The following MYO18B variants were observed in gnomAD, a reference collection of about 807,000 sequenced individuals.
MYO18B encodes unconventional myosin-XVIIIb.
Under a neutral mutation model 273.0 loss-of-function variants are expected in MYO18B, and 204 were observed. That is an observed-to-expected ratio of 0.75 (90% CI 0.67 to 0.84). The LOEUF is 0.84. MYO18B is among the 40% of genes least tolerant of loss of function. The pLI is 0.00. For synonymous variants in MYO18B, 1,330 were observed against 1,305.7 expected (o/e 1.02, Z -0.40); for missense variants, 3,212 against 3,287.6 (o/e 0.98, Z 0.56).
At chr22:26,015,516 T>C (rs910509503) in intron 42 of MYO18B, among the ~76,000 whole-genome samples, 1 of 152,210 alleles carries the variant, frequency 6.6e-6, no homozygotes, top group Non-Finnish European at 1.5e-5. Flanking sequence ...TGAATGGAGC[T>C]GGAGGCCATT....
At chr22:25,932,709 C>G (rs771342327) in intron 34 of MYO18B, among the ~76,000 whole-genome samples, 3 of 152,144 alleles carry the variant, frequency 2.0e-5, no homozygotes, top group Non-Finnish European at 4.4e-5. Context: ...TGCGCCCTGC[C>G]TAAAAATATT....
At chr22:25,863,515 C>A (rs12158976) in intron 21 of MYO18B, among the ~76,000 whole-genome samples, 18 of 151,636 alleles carry the variant, frequency 1.2e-4, no homozygotes, top group African/African-American at 3.9e-4. Flanking sequence ...GATCTGTCTC[C>A]TCATGGTGTG....
At chr22:25,762,801 T>C (rs1390913049) in intron 2 of MYO18B, among the ~76,000 whole-genome samples, 2 of 152,252 alleles carry the variant, frequency 1.3e-5, no homozygotes, top group Non-Finnish European at 2.9e-5. Flanking sequence ...TCATCTATTA[T>C]ATTAACTATA....
intron 1 of MYO18B, among the ~76,000 whole-genome samples, chr22:25,752,106 G>A (rs6004756): frequency 0.32 from 47,736 of 151,196 alleles, 7,864 homozygotes; most frequent in South Asian, 0.43. Context: ...TTGCTGCTCT[G>A]TCCCTTCTCA....
chr22:25,997,956 C>CG (rs1555984999), intron 40 of MYO18B, among the ~76,000 whole-genome samples: 9 of 139,710 alleles, frequency 6.4e-5, no homozygotes, highest in Admixed American at 6.4e-4. Context: ...CACACACACA[C>CG]AAACACACAC....
At chr22:25,902,963 T>C in intron 30 of MYO18B, 1 of 499,778 alleles carries the variant, frequency 2.0e-6, no homozygotes, top group South Asian at 2.2e-5. Flanking sequence ...TTCAGTTACC[T>C]GCACAGGTTC....
chr22:25,913,084 G>A (rs1336776465), intron 33 of MYO18B, among the ~76,000 whole-genome samples: 2 of 152,166 alleles, frequency 1.3e-5, no homozygotes, highest in African/African-American at 4.8e-5. Context: ...GCACACGGGC[G>A]AGTGTCTCTC....
At position 25,846,296 on chromosome 22, in the gene MYO18B, C is replaced by CCTGTCTCATGGTGTCCTGGCCTTCA; in HGVS notation, c.3552+17_3552+41dup. ...CAAGCTGCAGATGGTGAGTGGGCAC[C>CCTGTCTCATGGTGTCCTGGCCTTCA]CTGTCTCATGGTGTCCTGGCCTTCA... On this transcript the variant is annotated intron_variant, in intron 19 of 43. Coordinates refer to ENST00000335473, the MANE Select transcript of MYO18B (RefSeq NM_032608.7). The CCTGTCTCATGGTGTCCTGGCCTTCA allele has an allele frequency of 1.9e-6, 3 of 1,609,770 alleles. No individual in the cohort carries two copies. The highest frequency in any genetic ancestry group is 2.5e-6 in the Non-Finnish European group (3 of 1,179,590).
rs549103167 is a variant in MYO18B at position 25,798,113 on chromosome 22, C to T, written c.2521+16C>T. On this transcript the variant is annotated intron_variant, in intron 12 of 43. Transcript: ENST00000335473. ...GCCTGCAAAGGTACGTCCTTCCTGCCGGGCTCACCTGGGAGGGCAGCTGTC... is the reference window on the plus strand; with the variant it reads ...GCCTGCAAAGGTACGTCCTTCCTGCTGGGCTCACCTGGGAGGGCAGCTGTC... The T allele has an allele frequency of 4.1e-5, 66 of 1,592,030 alleles. 1 individual carries two copies. Among genetic ancestry groups the T allele is most frequent in the South Asian group, 3.4e-4 (30 of 89,212 alleles).
chr22:25,961,082 G>A (rs1481296696), intron 39 of MYO18B, among the ~76,000 whole-genome samples: 6 of 152,028 alleles, frequency 3.9e-5, no homozygotes, highest in East Asian at 3.9e-4. Flanking sequence ...AATTTGCTAC[G>A]TCTGCTGGCA....
chr22:25,781,736 A>G lies in MYO18B; in HGVS notation c.2214A>G (p.Thr738=), dbSNP rs2087167473. The change falls in exon 10 of 44, where the codon ACA becomes ACG. Residue 738 remains threonine, a splice_region_variant and synonymous_variant. Transcript: ENST00000335473. ...GTGCCCCTCTTCTCTCCCTGCAGAC[A>G]ATGCTTTTGGAGAAGAGCCGCGTGG... ...TGRITAAQLQ[T]MLLEKSRVAR... 2 of 1,555,626 alleles carry G rather than the reference A, an allele frequency of 1.3e-6. No homozygotes were observed. The highest frequency in any genetic ancestry group is 1.7e-6 in the Non-Finnish European group (2 of 1,152,678).
At chr22:25,983,510 A>G (rs772173967) in intron 39 of MYO18B, 1 of 152,218 alleles carries the variant, frequency 6.6e-6, no homozygotes, top group Non-Finnish European at 1.5e-5. Context: ...GTCTGAAATA[A>G]TGAAGCCTAA....
rs746447515 is a variant in MYO18B, at chr22:25,908,349, G to A, written c.5176G>A (p.Glu1726Lys). ...QLRQRFELEI[E>K]RMKQMHQKDR... is the part of the protein sequence containing the mutation. ...CCGCCAGCGGTTTGAGCTGGAGATC[G>A]AGCGGATGAAGCAGATGCACCAGAA... The change falls in exon 32 of 44, where the codon GAG (glutamate) becomes AAG (lysine). Residue 1726 changes from glutamate to lysine, a missense_variant. Physicochemically the swap from Glu to Lys is moderately conservative, Grantham distance 56. Transcript: ENST00000335473. 1.0e-4 allele frequency: 163 copies of A among 1,596,518 alleles called. 1 individual carries two copies. The Admixed American group carries it at 2.8e-3, about 27-fold the overall frequency.
intron 21 of MYO18B, among the ~76,000 whole-genome samples, chr22:25,858,785 A>G (rs1404106381): frequency 6.6e-6 from 1 of 152,196 alleles, no homozygotes; most frequent in Non-Finnish European, 1.5e-5. Context: ...GTTGACTTAC[A>G]GTGAAGACGA....
chr22:26,049,069 T>C, the MYO18B span, among the ~76,000 whole-genome samples: 1 of 151,766 alleles, frequency 6.6e-6, no homozygotes, highest in Non-Finnish European at 1.5e-5. Context: ...AAAATAAAGG[T>C]TAAAAACCTC....
chr22:25,869,374 C>T (rs1601410346), intron 22 of MYO18B, among the ~76,000 whole-genome samples: 2 of 147,308 alleles, frequency 1.4e-5, no homozygotes, highest in Admixed American at 6.9e-5. Flanking sequence ...CGCTTGAACC[C>T]GGGAGGCGAA....
chr22:25,768,288 T>A lies in MYO18B; in HGVS notation c.372T>A (p.Asn124Lys), dbSNP rs41281571. Residue 124 changes from asparagine (N) to lysine (K), a missense_variant, in exon 4 of 44, where the codon AAT becomes AAA. Physicochemically the swap from Asn to Lys is moderately conservative, Grantham distance 94 (BLOSUM62 0). Transcript: ENST00000335473. ...ACCCTGAGCAGATGACAAGCATCAA[T>A]GGTGAGAAGGCCCAGGAGCTGGGCT... ...SPDPEQMTSI[N>K]GEKAQELGSS... is the part of the protein sequence containing the mutation. 4 of 1,613,830 alleles carry A rather than the reference T, an allele frequency of 2.5e-6. No individual in the cohort carries two copies. In the South Asian group the frequency reaches 3.3e-5, roughly 13 times the overall value.
At position 25,998,914 on chromosome 22, in the gene MYO18B, A is replaced by C. The variant is rs185359505; in HGVS notation, c.6288-4351A>C. ...GCATAGACCACCTGGCTTTCCTTCT[A>C]GCCCATATATCCAGCTAGTAGGATT... is the stretch of plus-strand genomic sequence containing the variant. On this transcript the variant is annotated intron_variant, in intron 40 of 43. Coordinates refer to ENST00000335473, the MANE Select transcript of MYO18B (RefSeq NM_032608.7). 4.3e-3 allele frequency among the ~76,000 whole-genome samples: 658 copies of C among 152,310 alleles called. 3 individuals carry two copies. The highest frequency in any genetic ancestry group is 5.6e-3 in the Non-Finnish European group (384 of 68,028).
In MYO18B at chr22:25,876,249, G is replaced by A; in HGVS notation, c.4141G>A (p.Asp1381Asn). The A allele has an allele frequency of 6.2e-7, 1 of 1,613,504 alleles. No individual in the cohort carries two copies. Among genetic ancestry groups the A allele is most frequent in the East Asian group, 2.2e-5 (1 of 44,858 alleles). ...TGTGGCTGTGTTCCTCGCAGTCAAGGACTGGCCATGGTGGCAGCTGCTTGG... is the reference window on the plus strand; with the variant it reads ...TGTGGCTGTGTTCCTCGCAGTCAAGAACTGGCCATGGTGGCAGCTGCTTGG... Reference protein sequence around the residue: ...KNVAVFLAVKDWPWWQLLGSL... With the variant: ...KNVAVFLAVKNWPWWQLLGSL... Residue 1381 changes from aspartate (D) to asparagine (N), a missense_variant, in exon 24 of 44, where the codon GAC (aspartate) becomes AAC (asparagine). By Grantham distance (23) the Asp-to-Asn change is conservative. Coordinates refer to ENST00000335473, the MANE Select transcript of MYO18B (RefSeq NM_032608.7).
Sources: gnomAD v4.1 joint callset for allele counts (sites outside exome capture counted in the v4.1 genomes callset) on GRCh38, gnomAD v4.1.1 for gene constraint, MANE v1.5 for transcripts, NCBI Gene and HGNC (gene_info 2026-07-23, HGNC 2026-07-21) for gene names.